EFNA2: variants seen among roughly 807,000 people sequenced by gnomAD.
The protein encoded by EFNA2 is ephrin-A2.
In EFNA2, 18 loss-of-function variants were observed where a neutral mutation model predicts 19.7. That is an observed-to-expected ratio of 0.91 (90% confidence interval 0.63 to 1.35). EFNA2 has a LOEUF of 1.35. Ranked by LOEUF, EFNA2 falls within the 40% of genes most tolerant of loss-of-function variation. The pLI, the probability that EFNA2 is intolerant of heterozygous loss-of-function variation, is 0.00. For missense variants in EFNA2, 303 were observed against 296.0 expected (o/e 1.02, Z -0.17); for synonymous variants, 187 against 137.8 (o/e 1.36, Z -2.50).
chr19:1,299,875 G>A lies in EFNA2; in HGVS notation c.572G>A (p.Cys191Tyr). The A allele has an allele frequency of 1.2e-6, 2 of 1,604,470 alleles. No individual in the cohort carries two copies. The highest frequency in any genetic ancestry group is 1.7e-6 in the Non-Finnish European group (2 of 1,177,912). The change falls in exon 4 of 4, where the codon TGT becomes TAT. Residue 191 changes from cysteine to tyrosine, a missense_variant. Transcript: ENST00000215368. ...PEPIFTSNNSCSSPGGCRLFL... is the reference protein window; with the variant it reads ...PEPIFTSNNSYSSPGGCRLFL... ...CCCATCTTCACCAGCAATAACTCGT[G>A]TAGCAGCCCGGGCGGCTGCCGCCTC...
In EFNA2 at chr19:1,287,758, C is replaced by T. The variant is rs1036157184; in HGVS notation, c.140+1450C>T. ...GGGTTTGATTAAGGCTGTCGCTGGC[C>T]GTGCGGGGAGTCCAGCGGGCAGCGC... On this transcript the variant is annotated intron_variant, in intron 1 of 3. Transcript: ENST00000215368. The surrounding 1 kb of genome is among the most constrained non-coding windows in gnomAD (Gnocchi z 6.2). Among the ~76,000 whole-genome samples, 5 of 152,262 alleles carry T rather than the reference C, an allele frequency of 3.3e-5. No individual in the cohort carries two copies. Among genetic ancestry groups the T allele is most frequent in the African/African-American group, 9.6e-5 (4 of 41,468 alleles).
In EFNA2 at chr19:1,295,572, C is replaced by T; in HGVS notation, c.168C>T (p.Gly56=). The part of the protein sequence containing the change: ...PRFHAGAGDD[G]GGYTVEVSIN... ...TCCACGCAGGCGCGGGGGACGACGG[C>T]GGGGGCTACACGGTGGAGGTGAGCA... The change falls in exon 2 of 4, where the codon GGC becomes GGT. Residue 56 remains glycine, a synonymous_variant. Transcript: ENST00000215368. This position sits in a 1 kb window ranked among gnomAD's most constrained non-coding sequence, Gnocchi z 5.8. 3 of 1,598,312 alleles carry T rather than the reference C, an allele frequency of 1.9e-6. No homozygotes were observed. The highest frequency in any genetic ancestry group is 2.6e-6 in the Non-Finnish European group (3 of 1,172,256).
Position 1,294,971 on chromosome 19 carries a change from C to T in EFNA2, c.141-574C>T, listed in dbSNP as rs1051803572. Among the ~76,000 whole-genome samples the T allele has an allele frequency of 3.3e-5, 5 of 152,050 alleles. No homozygotes were observed. Among genetic ancestry groups the T allele is most frequent in the African/African-American group, 7.2e-5 (3 of 41,382 alleles). On this transcript the variant is annotated intron_variant, in intron 1 of 3. Transcript: ENST00000215368. This position sits in a 1 kb window ranked among gnomAD's most constrained non-coding sequence, Gnocchi z 5.8. ...TGGAGGGACAGCTCGTGCAGAGGCC[C>T]GGAGTCAGGAACCCCCCGCCGGCCC...
intron 3 of EFNA2, 130 bp from the exon 4 acceptor site, chr19:1,299,694 A>C: frequency 7.8e-7 from 1 of 1,278,926 alleles, no homozygotes; most frequent in Non-Finnish European, 1.0e-6. Flanking sequence ...TGGCACCAAG[A>C]GGGAGCAGAG....
intron 3 of EFNA2, among the ~76,000 whole-genome samples, chr19:1,299,248 TAAAATAAAAATA>T (rs940714150): frequency 4.8e-5 from 7 of 144,524 alleles, no homozygotes; most frequent in Non-Finnish European, 7.6e-5. Context: ...AAAAATAAAA[TAAAATAAAAATA>T]AAAATAAAAA....
chr19:1,291,505 G>A (rs2081491277), intron 1 of EFNA2, among the ~76,000 whole-genome samples: 1 of 152,210 alleles, frequency 6.6e-6, no homozygotes, highest in Admixed American at 6.5e-5. Context: ...GGTGGCAGGA[G>A]GGGACGGGCG....
intron 1 of EFNA2, among the ~76,000 whole-genome samples, chr19:1,292,977 G>A (rs1302531133): frequency 6.6e-6 from 1 of 152,170 alleles, no homozygotes; most frequent in Non-Finnish European, 1.5e-5. Flanking sequence ...GGCCAGAGGG[G>A]GACCTACAGG....
Position 1,286,052 on chromosome 19 carries a change from G to T in EFNA2, c.-117G>T, listed in dbSNP as rs942249670. 2 of 196,022 alleles carry T rather than the reference G, an allele frequency of 1.0e-5. No individual in the cohort carries two copies. Among genetic ancestry groups the T allele is most frequent in the African/African-American group, 4.9e-5 (2 of 41,042 alleles). 12.1% of individuals were successfully genotyped at this position (196,022 alleles called of 1,614,324 possible). A position where few individuals can be genotyped will look rare whatever the true frequency, so the allele number is the denominator to read the frequency against. On this transcript the variant is annotated 5_prime_UTR_variant, in exon 1 of 4. Transcript: ENST00000215368. The surrounding 1 kb of genome is among the most constrained non-coding windows in gnomAD (Gnocchi z 5.6). ...GCCCGGGATCTCCAAGCGCCGCCGCGCCCTCCTCCCGCCCGCCCTCCGCCC... is the reference window on the plus strand; with the variant it reads ...GCCCGGGATCTCCAAGCGCCGCCGCTCCCTCCTCCCGCCCGCCCTCCGCCC...
rs970021320 is a variant in EFNA2, at chr19:1,295,913, C to CG, written c.454+59dup. On this transcript the variant is annotated intron_variant, in intron 2 of 3. Transcript: ENST00000215368. The surrounding 1 kb of genome is among the most constrained non-coding windows in gnomAD (Gnocchi z 5.8). ...GCCCGAGTGGGCGGGGACGCGGGGG[C>CG]GGGGCCAGGAAGTGGGCGGGACCAC... is the stretch of plus-strand genomic sequence containing the variant. 13 of 381,148 alleles carry CG rather than the reference C, an allele frequency of 3.4e-5. No homozygotes were observed. Among genetic ancestry groups the CG allele is most frequent in the South Asian group, 1.4e-4 (5 of 35,940 alleles). 23.6% of individuals were successfully genotyped at this position (381,148 alleles called of 1,614,324 possible).
rs1411947910 is a variant in EFNA2 at position 1,286,968 on chromosome 19, G to A, written c.140+660G>A. On this transcript the variant is annotated intron_variant, in intron 1 of 3. Transcript: ENST00000215368. This position sits in a 1 kb window ranked among gnomAD's most constrained non-coding sequence, Gnocchi z 5.6. ...CTCTGGGCGCTGACCAGGAAACTGA[G>A]GTGCAGAGGGGATGAGGAGCTGGCT... 6.6e-6 allele frequency among the ~76,000 whole-genome samples: 1 copy of A among 152,222 alleles called. No individual in the cohort carries two copies. The highest frequency in any genetic ancestry group is 1.5e-5 in the Non-Finnish European group (1 of 68,032).
At position 1,297,476 on chromosome 19, in the gene EFNA2, T is replaced by C. The variant is rs1354173752; in HGVS notation, c.455-1075T>C. On this transcript the variant is annotated intron_variant, in intron 2 of 3. Coordinates refer to ENST00000215368, the MANE Select transcript of EFNA2 (RefSeq NM_001405.4). This position sits in a 1 kb window ranked among gnomAD's most constrained non-coding sequence, Gnocchi z 5.0. Reference sequence around the variant, plus strand: ...TTATTTTTATTACATGCTTTTTATCTTCATCTTCCAGTGTGAGGGGTTTCT... The same window carrying C: ...TTATTTTTATTACATGCTTTTTATCCTCATCTTCCAGTGTGAGGGGTTTCT... Among the ~76,000 whole-genome samples, 1 of 152,184 alleles carries C rather than the reference T, an allele frequency of 6.6e-6. No individual in the cohort carries two copies. The highest frequency in any genetic ancestry group is 1.5e-5 in the Non-Finnish European group (1 of 68,026).
Position 1,295,471 on chromosome 19 carries a change from C to A in EFNA2, c.141-74C>A. 1 of 1,410,958 alleles carries A rather than the reference C, an allele frequency of 7.1e-7. No individual in the cohort carries two copies. Among genetic ancestry groups the A allele is most frequent in the Non-Finnish European group, 9.3e-7 (1 of 1,075,312 alleles). The allele number at this position is 1,410,958 out of a possible 1,614,324, so 87.4% of individuals were successfully genotyped here. On this transcript the variant is annotated intron_variant, in intron 1 of 3. Transcript: ENST00000215368. This position sits in a 1 kb window ranked among gnomAD's most constrained non-coding sequence, Gnocchi z 5.8. ...TCGTGCTCCTGTCCCCTGACCCTGG[C>A]CCTCCCCGCGCACCCCGACCCGTGC...
chr19:1,286,309 G>A lies in EFNA2; in HGVS notation c.140+1G>A. The A allele has an allele frequency of 4.0e-6, 4 of 1,001,288 alleles. No homozygotes were observed. The highest frequency in any genetic ancestry group is 4.8e-6 in the Non-Finnish European group (4 of 840,274). The allele number at this position is 1,001,288 out of a possible 1,614,324, so 62.0% of individuals were successfully genotyped here. ...TCTACTGGAACCGCAGCAACCCCAG[G>A]TGAGCGCGGCCGCGCGCGGGGGGCG... On this transcript the variant is annotated splice_donor_variant, in intron 1 of 3. Transcript: ENST00000215368. LOFTEE classifies it high-confidence loss of function. This position sits in a 1 kb window ranked among gnomAD's most constrained non-coding sequence, Gnocchi z 5.6.
intron 3 of EFNA2, among the ~76,000 whole-genome samples, chr19:1,299,053 C>T (rs2081528486): frequency 6.6e-6 from 1 of 152,136 alleles, no homozygotes; most frequent in African/African-American, 2.4e-5. Flanking sequence ...GCCTGGTTAA[C>T]ATGGCGAAAC....
chr19:1,285,654 C>T (rs1299333729), upstream of EFNA2, among the ~76,000 whole-genome samples: 1 of 151,696 alleles, frequency 6.6e-6, no homozygotes, highest in Admixed American at 6.6e-5. The surrounding 1 kb of genome is among the most constrained non-coding windows in gnomAD (Gnocchi z 4.1). Context: ...GGGTGCGCCC[C>T]CGCCCCTCGG....
In EFNA2 at chr19:1,300,454, G is replaced by T. The variant is rs1350677871; in HGVS notation, c.*509G>T. Among the ~76,000 whole-genome samples, 17 of 147,762 alleles carry T rather than the reference G, an allele frequency of 1.2e-4. No homozygotes were observed. The highest frequency in any genetic ancestry group is 4.4e-4 in the African/African-American group (17 of 38,714). On this transcript the variant is annotated 3_prime_UTR_variant, in exon 4 of 4. Transcript: ENST00000215368. ...ACCCCACTCGTGGGGGAACACAGCC[G>T]CTCCCCTCTGCTCTGCACCCCACTC...
At chr19:1,292,063 C>T (rs1352179425) in intron 1 of EFNA2, among the ~76,000 whole-genome samples, 2 of 152,212 alleles carry the variant, frequency 1.3e-5, no homozygotes, top group East Asian at 1.9e-4. Flanking sequence ...TCTGCCGCTC[C>T]GGGGAGGATT....
At chr19:1,299,699 G>A in intron 3 of EFNA2, 125 bp from the exon 4 acceptor site, 1 of 1,331,644 alleles carries the variant, frequency 7.5e-7, no homozygotes, top group Middle Eastern at 2.2e-4. Flanking sequence ...CCAAGAGGGA[G>A]CAGAGGGCCT....
At chr19:1,292,194 C>T (rs539687052) in intron 1 of EFNA2, among the ~76,000 whole-genome samples, 19 of 152,222 alleles carry the variant, frequency 1.2e-4, no homozygotes, top group Admixed American at 2.6e-4. Context: ...AGGGGCAACG[C>T]GCCCACCTCG....
Sources: gnomAD v4.1 joint callset for allele counts (sites outside exome capture counted in the v4.1 genomes callset) on GRCh38, gnomAD v4.1.1 for gene constraint, Gnocchi (gnomAD v3.1) non-coding constraint, MANE v1.5 for transcripts, NCBI Gene and HGNC (gene_info 2026-07-23, HGNC 2026-07-21) for gene names.